HEATR5B: variants seen among roughly 807,000 people sequenced by gnomAD.
The protein encoded by HEATR5B is HEAT repeat-containing protein 5B.
A neutral mutation model predicts 224.1 loss-of-function variants in HEATR5B; 156 were observed. That is an observed-to-expected ratio of 0.70 (90% CI 0.61 to 0.80). The LOEUF is 0.80. Among genes scored for constraint, HEATR5B ranks in the 30% least tolerant of loss-of-function variants. HEATR5B has a pLI of 0.00. For missense variants in HEATR5B, 2,323 were observed against 2,535.5 expected, an observed-to-expected ratio of 0.92 and a Z score of 1.80; for synonymous variants, 1,027 against 893.0, an observed-to-expected ratio of 1.15 and a Z score of -2.68.
At chr2:37,055,450 T>G (rs1373418666) in intron 16 of HEATR5B, among the ~76,000 whole-genome samples, 1 of 152,172 alleles carries the variant, frequency 6.6e-6, no homozygotes, top group Non-Finnish European at 1.5e-5. Context: ...TCCTTAAGAT[T>G]TAAAACCAAA....
At chr2:37,006,319 G>T (rs191197919) in intron 29 of HEATR5B, among the ~76,000 whole-genome samples, 1 of 152,202 alleles carries the variant, frequency 6.6e-6, no homozygotes, top group Admixed American at 6.5e-5. Flanking sequence ...ATCACTAAAA[G>T]CTTCATTACC....
intron 11 of HEATR5B, among the ~76,000 whole-genome samples, chr2:37,061,623 C>T (rs1299018324): frequency 6.6e-6 from 1 of 152,190 alleles, no homozygotes; most frequent in African/African-American, 2.4e-5. Context: ...TAAAATCACA[C>T]TGCTGGTTTT....
intron 29 of HEATR5B, 106 bp from the exon 30 acceptor site, chr2:37,005,865 G>T: frequency 1.2e-6 from 1 of 838,510 alleles, no homozygotes; most frequent in Non-Finnish European, 1.8e-6. Context: ...ACCTTAACAT[G>T]TATTTATTAA....
chr2:37,058,604 G>T (rs1388730283), intron 13 of HEATR5B, 44 bp from the exon 14 acceptor site: 2 of 1,323,136 alleles, frequency 1.5e-6, no homozygotes, highest in East Asian at 2.3e-5. Context: ...ACCAGAATAA[G>T]TATTACTTAT....
rs1305838083 is a variant in HEATR5B, at chr2:37,013,894, G to A, written c.4231C>T (p.Arg1411Ter). 4 of 1,611,386 alleles carry A rather than the reference G, an allele frequency of 2.5e-6. No homozygotes were observed. Among genetic ancestry groups the A allele is most frequent in the Non-Finnish European group, 2.5e-6 (3 of 1,178,842 alleles). The change falls in exon 27 of 36, where the codon CGA (arginine) becomes TGA (stop). Residue 1411 changes from arginine to a stop codon, truncating the protein, a stop_gained. Transcript: ENST00000233099. LOFTEE classifies it high-confidence loss of function. ...TTTTCCATGGTCGTGGCACTCTCTC[G>A]GTACAGCTGGCTGGAAGATCCTTTT... ...AGKGSSSQLY[R>*]ESATTMEKLA...
At chr2:36,988,371 T>A (rs1455956189) in intron 35 of HEATR5B, among the ~76,000 whole-genome samples, 1 of 152,018 alleles carries the variant, frequency 6.6e-6, no homozygotes, top group Non-Finnish European at 1.5e-5. Flanking sequence ...CAAGTGATTC[T>A]CCTGCTTCAG....
intron 24 of HEATR5B, among the ~76,000 whole-genome samples, chr2:37,022,118 C>A (rs556886464): frequency 6.6e-6 from 1 of 152,028 alleles, no homozygotes; most frequent in African/African-American, 2.4e-5. Flanking sequence ...AAACCTCTAT[C>A]AATTGATATC....
At chr2:37,063,954 G>A (rs933942386) in intron 10 of HEATR5B, among the ~76,000 whole-genome samples, 1 of 152,112 alleles carries the variant, frequency 6.6e-6, no homozygotes, top group African/African-American at 2.4e-5. Flanking sequence ...TGGGATTACA[G>A]GCATGGGCCA....
intron 3 of HEATR5B, among the ~76,000 whole-genome samples, chr2:37,078,233 T>C (rs1672353198): frequency 6.6e-6 from 1 of 152,248 alleles, no homozygotes; most frequent in South Asian, 2.1e-4. Flanking sequence ...TAACTAAATT[T>C]AGCTCACAAT....
chr2:37,027,412 A>G (rs1398178299), intron 24 of HEATR5B, among the ~76,000 whole-genome samples: 1 of 152,194 alleles, frequency 6.6e-6, no homozygotes, highest in African/African-American at 2.4e-5. Context: ...TACAAAAGAT[A>G]AAAAATAATA....
chr2:37,052,459 T>C (rs1670621233), intron 17 of HEATR5B, among the ~76,000 whole-genome samples: 1 of 152,230 alleles, frequency 6.6e-6, no homozygotes, highest in South Asian at 2.1e-4. Context: ...TAATTTGCGA[T>C]GGGACAGCAA....
chr2:37,006,998 T>C (rs1158978326), intron 29 of HEATR5B, 52 bp downstream of exon 29: 3 of 1,555,492 alleles, frequency 1.9e-6, no homozygotes, highest in Non-Finnish European at 2.7e-6. Flanking sequence ...AAATGAAAGA[T>C]ATGAATTTTC....
intron 24 of HEATR5B, among the ~76,000 whole-genome samples, chr2:37,024,186 A>G (rs1668629497): frequency 1.3e-5 from 2 of 152,358 alleles, no homozygotes; most frequent in South Asian, 4.1e-4. Flanking sequence ...CATAGGTGGA[A>G]TCTAAAAAAG....
chr2:37,006,360 T>C (rs774461327), intron 29 of HEATR5B, among the ~76,000 whole-genome samples: 32 of 152,140 alleles, frequency 2.1e-4, no homozygotes, highest in Non-Finnish European at 3.5e-4. Flanking sequence ...TAAAAAAGCA[T>C]CTATAGCTGG....
intron 17 of HEATR5B, among the ~76,000 whole-genome samples, chr2:37,052,318 T>C (rs935276063): frequency 6.6e-6 from 1 of 152,134 alleles, no homozygotes; most frequent in African/African-American, 2.4e-5. Context: ...ACCTTGGATG[T>C]CTGAACCATG....
intron 34 of HEATR5B, 58 bp from the exon 35 acceptor site, chr2:36,988,917 A>C: frequency 8.1e-7 from 1 of 1,228,112 alleles, no homozygotes; most frequent in South Asian, 1.3e-5. Context: ...TTGCTCTACA[A>C]TCACATTGCA....
At chr2:36,992,155 G>A (rs777613426) in intron 33 of HEATR5B, among the ~76,000 whole-genome samples, 7 of 152,114 alleles carry the variant, frequency 4.6e-5, no homozygotes, top group African/African-American at 7.2e-5. Flanking sequence ...CCAAGATTGC[G>A]CCACTGCACT....
chr2:37,070,104 TAGTC>T, intron 7 of HEATR5B, 122 bp downstream of exon 7: 1 of 807,102 alleles, frequency 1.2e-6, no homozygotes, highest in Non-Finnish European at 2.0e-6. Context: ...TTCACCATGT[TAGTC>T]AGGCTGGTCT....
chr2:36,988,631 TAAG>T lies in HEATR5B; in HGVS notation c.5911+12_5911+14del. ...TTCATTCTGAACTAGTAGCTTTTTA[TAAG>T]AATATACTTACTGTTTTGTTCTTCA... On this transcript the variant is annotated intron_variant, in intron 35 of 35. Coordinates refer to ENST00000233099, the MANE Select transcript of HEATR5B (RefSeq NM_019024.3). 6.3e-7 allele frequency: 1 copy of T among 1,587,732 alleles called. No individual in the cohort carries two copies. The highest frequency in any genetic ancestry group is 8.6e-7 in the Non-Finnish European group (1 of 1,158,366).
Sources: gnomAD v4.1 joint callset for allele counts (sites outside exome capture counted in the v4.1 genomes callset) on GRCh38, gnomAD v4.1.1 for gene constraint, MANE v1.5 for transcripts, NCBI Gene and HGNC (gene_info 2026-07-23, HGNC 2026-07-21) for gene names.